RFC2: variants seen among roughly 807,000 people sequenced by gnomAD.
RFC2 encodes replication factor C subunit 2, also known as A1 40 kDa subunit.
RFC2 carries 34 observed loss-of-function variants against 44.8 expected under a neutral mutation model. The observed-to-expected ratio is 0.76, with a 90% CI of 0.58 to 1.01. The LOEUF (loss-of-function observed/expected upper bound fraction) is 1.01, where lower values mean the gene tolerates loss of function less well. Among genes scored for constraint, RFC2 ranks in the 50% least tolerant of loss-of-function variants. The pLI, the probability that RFC2 is intolerant of heterozygous loss-of-function variation, is 0.00. For missense variants in RFC2, 400 were observed against 453.6 expected, an observed-to-expected ratio of 0.88 and a Z score of 1.07; for synonymous variants, 177 against 168.9, an observed-to-expected ratio of 1.05 and a Z score of -0.37.
Position 74,246,946 on chromosome 7 carries a change from G to T in RFC2, c.333-183C>A, listed in dbSNP as rs572467310. ...TTTATGGCATTTGTTCTTTCTTGGAGGTCTTTCAAAGAACAAAGAAAATAT... is the reference window on the plus strand; with the variant it reads ...TTTATGGCATTTGTTCTTTCTTGGATGTCTTTCAAAGAACAAAGAAAATAT... On this transcript the variant is annotated intron_variant, in intron 4 of 10. Transcript: ENST00000055077. 2.0e-5 allele frequency among the ~76,000 whole-genome samples: 3 copies of T among 151,070 alleles called. No individual in the cohort carries two copies. In the East Asian group the frequency reaches 5.8e-4, roughly 29 times the overall value.
chr7:74,245,356 T>A (rs114979078), intron 5 of RFC2, among the ~76,000 whole-genome samples: 11,916 of 151,958 alleles, frequency 0.078, 491 homozygotes, highest in East Asian at 0.093. Context: ...AGTGTTGTGA[T>A]GGTTGCACAA....
intron 9 of RFC2, 95 bp from the exon 10 acceptor site, chr7:74,235,740 C>G: frequency 3.8e-6 from 3 of 798,852 alleles, no homozygotes; most frequent in Non-Finnish European, 4.5e-6. Flanking sequence ...GCCCACCCTT[C>G]AGGTCACATG....
At chr7:74,240,688 C>T (rs1223208416) in intron 6 of RFC2, among the ~76,000 whole-genome samples, 1 of 152,196 alleles carries the variant, frequency 6.6e-6, no homozygotes, top group Non-Finnish European at 1.5e-5. Context: ...CTGCCACAAG[C>T]TGTTAGATGA....
At chr7:74,250,875 G>A (rs996268196) in intron 2 of RFC2, among the ~76,000 whole-genome samples, 5 of 151,844 alleles carry the variant, frequency 3.3e-5, no homozygotes, top group Non-Finnish European at 5.9e-5. Flanking sequence ...TGCAACCTCC[G>A]CCTCCCGGGT....
intron 7 of RFC2, 35 bp from the exon 8 acceptor site, chr7:74,239,023 T>C (rs782570693): frequency 9.9e-5 from 155 of 1,559,922 alleles, no homozygotes; most frequent in Admixed American, 1.7e-4. Context: ...AGGATGATTT[T>C]TATATTTATT....
Position 74,233,989 on chromosome 7 carries a change from A to C in RFC2, c.954+1543T>G, listed in dbSNP as rs781901227. The C allele has an allele frequency of 1.8e-5, 8 of 446,388 alleles. No individual in the cohort carries two copies. The Middle Eastern group carries it at 1.7e-3, about 93-fold the overall frequency. The allele number at this position is 446,388 out of a possible 1,614,324, so 27.7% of individuals were successfully genotyped here. A position where few individuals can be genotyped will look rare whatever the true frequency, so the allele number is the denominator to read the frequency against. ...AGAAAAACTTAACATTTGCATTCACACTAATCCATATATGCAAATGTTTAC... is the reference window on the plus strand; with the variant it reads ...AGAAAAACTTAACATTTGCATTCACCCTAATCCATATATGCAAATGTTTAC... On this transcript the variant is annotated intron_variant, in intron 10 of 10. Transcript: ENST00000055077.
chr7:74,247,351 C>A (rs1239161467), intron 4 of RFC2, among the ~76,000 whole-genome samples: 1 of 152,068 alleles, frequency 6.6e-6, no homozygotes, highest in Non-Finnish European at 1.5e-5. Context: ...CAGAAAATAA[C>A]TGCAATGTAG....
chr7:74,238,356 CA>C lies in RFC2; in HGVS notation c.759+566del, dbSNP rs2116272779. ...ACGCGGAGTTATCAGGATGCGGAAG[CA>C]GTTTTCAAAAGAATTCCCAAGAGAA... On this transcript the variant is annotated intron_variant, in intron 8 of 10. Transcript: ENST00000055077. This position sits in a 1 kb window ranked among gnomAD's most constrained non-coding sequence, Gnocchi z 4.0. 6.6e-6 allele frequency among the ~76,000 whole-genome samples: 1 copy of C among 152,240 alleles called. No individual in the cohort carries two copies. Among genetic ancestry groups the C allele is most frequent in the African/African-American group, 2.4e-5 (1 of 41,558 alleles).
rs372046175 is a variant in RFC2 at position 74,253,779 on chromosome 7, G to A, written c.113+492C>T. 8.5e-4 allele frequency: 138 copies of A among 161,544 alleles called. 1 individual carries two copies. The highest frequency in any genetic ancestry group is 4.2e-3 in the East Asian group (22 of 5,234). 10.0% of individuals were successfully genotyped at this position (161,544 alleles called of 1,614,324 possible). On this transcript the variant is annotated intron_variant, in intron 1 of 10. Coordinates refer to ENST00000055077, the MANE Select transcript of RFC2 (RefSeq NM_181471.3). ...GCCTGTAGTCCCATCTACTTAGGAG[G>A]CTGAGGCAGGGGGATCACTTGAGCC...
intron 5 of RFC2, among the ~76,000 whole-genome samples, chr7:74,246,065 G>A (rs1803585496): frequency 6.6e-6 from 1 of 151,872 alleles, no homozygotes; most frequent in African/African-American, 2.4e-5. Context: ...GCGTGGTGGT[G>A]CATGCCTGTA....
intron 7 of RFC2, among the ~76,000 whole-genome samples, chr7:74,239,313 T>C (rs1162447685): frequency 2.0e-5 from 3 of 151,342 alleles, no homozygotes; most frequent in Admixed American, 2.0e-4. Flanking sequence ...GTAGCTGGGA[T>C]TACAGGCACC....
intron 3 of RFC2, chr7:74,249,362 G>A (rs554679439): frequency 1.2e-3 from 697 of 566,432 alleles, no homozygotes; most frequent in Middle Eastern, 7.1e-3. Flanking sequence ...CCAACATGGC[G>A]AAACCCCGTC....
At chr7:74,235,693 A>G (rs781934731) in intron 9 of RFC2, 48 bp from the exon 10 acceptor site, 2 of 1,297,888 alleles carry the variant, frequency 1.5e-6, no homozygotes, top group South Asian at 1.2e-5. Context: ...AAACTGTAAG[A>G]AGACATGTGA....
intron 5 of RFC2, among the ~76,000 whole-genome samples, chr7:74,246,057 G>A (rs1275943209): frequency 5.3e-5 from 8 of 151,922 alleles, no homozygotes; most frequent in African/African-American, 1.5e-4. Context: ...TCAGCTGGGC[G>A]TGGTGGTGCA....
In RFC2 at chr7:74,243,133, A is replaced by G; in HGVS notation, c.535+13T>C. 6.3e-7 allele frequency: 1 copy of G among 1,588,014 alleles called. No homozygotes were observed. Among genetic ancestry groups the G allele is most frequent in the Middle Eastern group, 1.7e-4 (1 of 5,988 alleles). ...CACCACGTGGCCCCCAGCCACCGAA[A>G]GCTCCCACTCACCGATGATCTTATC... On this transcript the variant is annotated intron_variant, in intron 6 of 10. Coordinates refer to ENST00000055077, the MANE Select transcript of RFC2 (RefSeq NM_181471.3).
intron 1 of RFC2, chr7:74,253,719 T>TA (rs879955479): frequency 5.5e-4 from 81 of 147,954 alleles, no homozygotes; most frequent in South Asian, 4.5e-3. Context: ...TGACTCCATC[T>TA]AAAAAAAAAA....
rs1347253414 is a variant in RFC2, at chr7:74,249,594, C to T, written c.225+145G>A. On this transcript the variant is annotated intron_variant, in intron 3 of 10. Coordinates refer to ENST00000055077, the MANE Select transcript of RFC2 (RefSeq NM_181471.3). ...AAAAATACAGCAACCAACCCCAGGC[C>T]TCCCAACTAGAGTGAAACACTTCCC... The T allele has an allele frequency of 4.6e-6, 3 of 657,346 alleles. No individual in the cohort carries two copies. In the East Asian group the frequency reaches 8.2e-5, roughly 18 times the overall value. 40.7% of individuals were successfully genotyped at this position (657,346 alleles called of 1,614,324 possible).
At chr7:74,234,563 T>C (rs1402100760) in intron 10 of RFC2, among the ~76,000 whole-genome samples, 1 of 151,964 alleles carries the variant, frequency 6.6e-6, no homozygotes, top group Non-Finnish European at 1.5e-5. Context: ...GCCACGTTGA[T>C]CTAGTTTGGA....
intron 2 of RFC2, among the ~76,000 whole-genome samples, chr7:74,252,224 G>A (rs764490483): frequency 6.0e-5 from 9 of 151,092 alleles, no homozygotes; most frequent in African/African-American, 1.7e-4. Flanking sequence ...TGGCTAACAC[G>A]GTGAAACCCC....
Sources: gnomAD v4.1 joint callset for allele counts (sites outside exome capture counted in the v4.1 genomes callset) on GRCh38, gnomAD v4.1.1 for gene constraint, Gnocchi (gnomAD v3.1) non-coding constraint, MANE v1.5 for transcripts, NCBI Gene and HGNC (gene_info 2026-07-23, HGNC 2026-07-21) for gene names.